Variants in DPP10 observed in about 807,000 individuals in gnomAD.
The protein encoded by DPP10 is inactive dipeptidyl peptidase 10.
DPP10 carries 33 observed loss-of-function variants against 120.9 expected under a neutral mutation model. The observed-to-expected ratio is 0.27, with a 90% confidence interval of 0.21 to 0.37. The LOEUF (loss-of-function observed/expected upper bound fraction) is 0.37. Ranked by LOEUF, DPP10 falls within the 10% of genes least tolerant of loss-of-function variation. The pLI is 1.00. For synonymous variants in DPP10, 337 were observed against 326.1 expected (o/e 1.03, Z -0.36); for missense variants, 816 against 942.8 (o/e 0.87, Z 1.76).
chr2:115,747,799 T>C (rs1407205404), intron 10 of DPP10, among the ~76,000 whole-genome samples: 1 of 152,146 alleles, frequency 6.6e-6, no homozygotes, highest in African/African-American at 2.4e-5. Context: ...TTCACTGTGT[T>C]AGCCAGGATG....
At chr2:115,430,127 G>C (rs2070837470) in intron 3 of DPP10, among the ~76,000 whole-genome samples, 1 of 152,278 alleles carries the variant, frequency 6.6e-6, no homozygotes, top group South Asian at 2.1e-4. Context: ...GAAGTTAGAT[G>C]GAGTGGATTT....
At chr2:114,730,291 T>A (rs545854099) in intron 1 of DPP10, among the ~76,000 whole-genome samples, 1 of 152,182 alleles carries the variant, frequency 6.6e-6, no homozygotes, top group South Asian at 2.1e-4. Context: ...CAGTGGAGAG[T>A]AGATAATAGG....
chr2:115,625,672 T>C (rs917673218), intron 5 of DPP10, among the ~76,000 whole-genome samples: 2 of 152,122 alleles, frequency 1.3e-5, no homozygotes, highest in Non-Finnish European at 2.9e-5. Flanking sequence ...TACAACTCCA[T>C]GTTTAGGCAT....
intron 1 of DPP10, among the ~76,000 whole-genome samples, chr2:114,762,614 A>G (rs780057946): frequency 2.6e-5 from 4 of 152,230 alleles, no homozygotes; most frequent in Non-Finnish European, 5.9e-5. Context: ...AGCTCTTAAA[A>G]TAGCTATGAG....
chr2:115,818,411 G>A (rs1575880320), intron 21 of DPP10, among the ~76,000 whole-genome samples: 1 of 152,296 alleles, frequency 6.6e-6, no homozygotes, highest in African/African-American at 2.4e-5. Context: ...TAGGGCCTAT[G>A]TATTTCAATG....
chr2:115,653,748 T>C (rs1174411808), intron 5 of DPP10, among the ~76,000 whole-genome samples: 1 of 151,740 alleles, frequency 6.6e-6, no homozygotes. Context: ...ATAAAAGGAA[T>C]GATAATGTCA....
intron 1 of DPP10, among the ~76,000 whole-genome samples, chr2:115,159,014 A>C (rs2052104317): frequency 6.6e-6 from 1 of 151,762 alleles, no homozygotes; most frequent in South Asian, 2.1e-4. Flanking sequence ...TACTTAATTG[A>C]CTCTCCCACT....
At chr2:115,721,903 A>G (rs1352697735) in intron 7 of DPP10, among the ~76,000 whole-genome samples, 3 of 152,202 alleles carry the variant, frequency 2.0e-5, no homozygotes, top group African/African-American at 7.2e-5. Flanking sequence ...CATGCAATGG[A>G]ATACTATGCA....
At chr2:115,298,133 C>T (rs2060971063) in intron 1 of DPP10, among the ~76,000 whole-genome samples, 1 of 152,000 alleles carries the variant, frequency 6.6e-6, no homozygotes, top group East Asian at 1.9e-4. Flanking sequence ...TTAGTATGTG[C>T]TTTACTAGGT....
chr2:115,442,784 G>A (rs1024839401), intron 3 of DPP10, among the ~76,000 whole-genome samples: 1 of 152,184 alleles, frequency 6.6e-6, no homozygotes, highest in African/African-American at 2.4e-5. Flanking sequence ...TTTCTCCCAA[G>A]AGGATTACAT....
In DPP10 at chr2:115,359,009, G is replaced by A. The variant is rs1168160183; in HGVS notation, c.271+15097G>A. Reference sequence around the variant, plus strand: ...TTATGGAAACTACAATTCAAGATGAGATTTCACTGGGGATGTTGTTGCATA... The same window carrying A: ...TTATGGAAACTACAATTCAAGATGAAATTTCACTGGGGATGTTGTTGCATA... On this transcript the variant is annotated intron_variant, in intron 3 of 25. Coordinates refer to ENST00000410059, the MANE Select transcript of DPP10 (RefSeq NM_020868.6). Among the ~76,000 whole-genome samples the A allele has an allele frequency of 3.9e-5, 6 of 152,150 alleles. No homozygotes were observed. The East Asian group carries it at 1.2e-3, about 29-fold the overall frequency.
intron 5 of DPP10, among the ~76,000 whole-genome samples, chr2:115,562,316 G>C (rs140026803): frequency 1.3e-5 from 2 of 151,934 alleles, no homozygotes; most frequent in African/African-American, 4.8e-5. Flanking sequence ...CCAAATCCAC[G>C]TGGCCTTAAA....
At chr2:115,306,013 G>C (rs1469165781) in intron 1 of DPP10, among the ~76,000 whole-genome samples, 3 of 151,962 alleles carry the variant, frequency 2.0e-5, no homozygotes, top group Non-Finnish European at 1.5e-5. Context: ...ACTTAGGTAA[G>C]AGTTTTTTTT....
chr2:114,885,213 C>T (rs12994368), intron 1 of DPP10, among the ~76,000 whole-genome samples: 30,350 of 152,064 alleles, frequency 0.2, 3,249 homozygotes, highest in East Asian at 0.26. Flanking sequence ...ATCTTACAAT[C>T]ACGGCAGAAG....
At chr2:114,560,020 C>T (rs1411132405) in intron 1 of DPP10, among the ~76,000 whole-genome samples, 5 of 151,830 alleles carry the variant, frequency 3.3e-5, no homozygotes, top group South Asian at 2.1e-4. Flanking sequence ...GCCTTCTATG[C>T]CATATGCAAA....
chr2:115,417,674 A>G (rs947780421), intron 3 of DPP10, among the ~76,000 whole-genome samples: 1 of 152,188 alleles, frequency 6.6e-6, no homozygotes, highest in African/African-American at 2.4e-5. Context: ...GCCTAGATCA[A>G]TCTAGATAGC....
intron 1 of DPP10, among the ~76,000 whole-genome samples, chr2:115,256,486 G>A (rs549634532): frequency 1.8e-4 from 27 of 152,300 alleles, no homozygotes; most frequent in African/African-American, 5.8e-4. Flanking sequence ...TGAGCCTGTG[G>A]CTGGAGTTGG....
chr2:114,871,415 T>C (rs1278449215), intron 1 of DPP10, among the ~76,000 whole-genome samples: 1 of 152,142 alleles, frequency 6.6e-6, no homozygotes, highest in Non-Finnish European at 1.5e-5. Flanking sequence ...GTAATTGCAG[T>C]TTTTGCCATT....
In DPP10 at chr2:115,616,709, T is replaced by C. The variant is rs146456328; in HGVS notation, c.442-72978T>C. On this transcript the variant is annotated intron_variant, in intron 5 of 25. Coordinates refer to ENST00000410059, the MANE Select transcript of DPP10 (RefSeq NM_020868.6). ...CTTGTCTTTCAGAACAGCAATACTC[T>C]TCTGGTTGACCTCTTATTCCTTTGA... 3.1e-3 allele frequency among the ~76,000 whole-genome samples: 475 copies of C among 152,204 alleles called. 2 individuals are homozygous for C. The highest frequency in any genetic ancestry group is 0.011 in the African/African-American group (452 of 41,548).
Sources: allele counts gnomAD v4.1 joint callset (sites outside exome capture counted in the v4.1 genomes callset), GRCh38; gene constraint gnomAD v4.1.1; transcripts MANE v1.5; gene names NCBI Gene and HGNC (gene_info 2026-07-23, HGNC 2026-07-21).